The following TENM3 variants were observed in gnomAD, a reference collection of about 807,000 sequenced individuals.
TENM3 encodes the protein teneurin transmembrane protein 3.
A neutral mutation model predicts 255.1 loss-of-function variants in TENM3; 63 were observed. The observed-to-expected ratio is 0.25, with a 90% CI of 0.20 to 0.30. TENM3 has a LOEUF of 0.30. Among genes scored for constraint, TENM3 ranks in the 10% least tolerant of loss-of-function variants. TENM3 has a pLI of 1.00. For synonymous variants in TENM3, 1,306 were observed against 1,322.3 expected (o/e 0.99, Z 0.27); for missense variants, 2,929 against 3,461.1 (o/e 0.85, Z 3.86).
chr4:182,163,892 C>A (rs552981653), intron 1 of TENM3, among the ~76,000 whole-genome samples: 84 of 152,292 alleles, frequency 5.5e-4, no homozygotes, highest in African/African-American at 1.9e-3. Flanking sequence ...GCCCTTAGAC[C>A]CTCTGCCTTC....
chr4:182,004,236 AG>A, the TENM3 span, among the ~76,000 whole-genome samples: 2 of 152,014 alleles, frequency 1.3e-5, no homozygotes, highest in Non-Finnish European at 2.9e-5. Context: ...CCCCCCAACA[AG>A]CCCTGGTGTG....
At chr4:181,583,085 A>C in the TENM3 span, among the ~76,000 whole-genome samples, 1 of 151,898 alleles carries the variant, frequency 6.6e-6, no homozygotes, top group Admixed American at 6.6e-5. Context: ...GACTAGGGGA[A>C]GAGGTAGAAA....
the TENM3 span, among the ~76,000 whole-genome samples, chr4:181,833,961 T>TC: frequency 1.3e-5 from 2 of 152,210 alleles, no homozygotes; most frequent in Non-Finnish European, 2.9e-5. Flanking sequence ...TTAAGGCAAC[T>TC]CCAACTTGGA....
At chr4:182,382,738 G>A (rs1263261717) in intron 3 of TENM3, among the ~76,000 whole-genome samples, 1 of 152,142 alleles carries the variant, frequency 6.6e-6, no homozygotes, top group Non-Finnish European at 1.5e-5. Context: ...GGCAGAGGTC[G>A]AAGCCATAGG....
the TENM3 span, among the ~76,000 whole-genome samples, chr4:182,017,353 C>T: frequency 1.3e-5 from 2 of 152,206 alleles, no homozygotes; most frequent in Non-Finnish European, 2.9e-5. Flanking sequence ...TCTACTCTAC[C>T]TAGTGAAAAT....
At chr4:182,522,162 C>T (rs1212837918) in intron 3 of TENM3, among the ~76,000 whole-genome samples, 1 of 152,132 alleles carries the variant, frequency 6.6e-6, no homozygotes, top group African/African-American at 2.4e-5. Flanking sequence ...GCACCTTAAA[C>T]ATTAATTTTT....
At chr4:182,749,511 G>T (rs867472472) in intron 19 of TENM3, among the ~76,000 whole-genome samples, 1 of 152,098 alleles carries the variant, frequency 6.6e-6, no homozygotes, top group Admixed American at 6.6e-5. Flanking sequence ...GTATAAGGAC[G>T]GTTAATTCTT....
At chr4:182,396,961 CAAAAT>C (rs950464754) in intron 3 of TENM3, among the ~76,000 whole-genome samples, 1 of 149,328 alleles carries the variant, frequency 6.7e-6, no homozygotes, top group Admixed American at 6.7e-5. Flanking sequence ...GACTCTGTCT[CAAAAT>C]AAAAAAATAA....
chr4:181,656,469 C>T, the TENM3 span, among the ~76,000 whole-genome samples: 1 of 152,040 alleles, frequency 6.6e-6, no homozygotes, highest in Non-Finnish European at 1.5e-5. Flanking sequence ...TGCGATTTGG[C>T]GGTGGAAAAT....
chr4:182,254,636 A>T (rs1758255037), intron 1 of TENM3, among the ~76,000 whole-genome samples: 1 of 152,080 alleles, frequency 6.6e-6, no homozygotes, highest in Non-Finnish European at 1.5e-5. Context: ...TGAAATGCTA[A>T]TTTTTTCATT....
intron 24 of TENM3, among the ~76,000 whole-genome samples, chr4:182,778,548 G>A (rs767159825): frequency 4.7e-4 from 71 of 152,270 alleles, no homozygotes; most frequent in Non-Finnish European, 9.1e-4. Flanking sequence ...ACTGGGGAAT[G>A]AGCCTGCCCT....
chr4:182,273,988 T>C (rs1451732049), intron 1 of TENM3, among the ~76,000 whole-genome samples: 4 of 152,214 alleles, frequency 2.6e-5, no homozygotes, highest in Non-Finnish European at 5.9e-5. Context: ...ACAGGTGTTC[T>C]TTCTCCCTAC....
chr4:182,346,721 G>T lies in TENM3; in HGVS notation c.303G>T (p.Ala101=), dbSNP rs189642302. 8.7e-5 allele frequency: 140 copies of T among 1,613,642 alleles called. 1 individual carries two copies. In the Admixed American group the frequency reaches 2.1e-3, roughly 25 times the overall value. ...CTCGAAGAGGACTGGCATTTTGTGC[G>T]GAAATGGGGCTCCCTCACAGAGGTT... is the stretch of plus-strand genomic sequence containing the variant. The part of the protein sequence containing the change: ...PATRRGLAFC[A]EMGLPHRGYS... The change falls in exon 3 of 28, where the codon GCG becomes GCT. Residue 101 remains alanine, a synonymous_variant. Transcript: ENST00000511685.
chr4:182,622,343 A>G (rs999566661), intron 4 of TENM3, among the ~76,000 whole-genome samples: 3 of 152,156 alleles, frequency 2.0e-5, no homozygotes, highest in African/African-American at 4.8e-5. Context: ...GCAAAACTCT[A>G]TCGCAAAAAA....
chr4:182,291,193 C>G (rs1309242334), intron 1 of TENM3, among the ~76,000 whole-genome samples: 2 of 152,146 alleles, frequency 1.3e-5, no homozygotes, highest in Non-Finnish European at 2.9e-5. Flanking sequence ...GATCCCTGTG[C>G]TGATCCAAGG....
intron 11 of TENM3, among the ~76,000 whole-genome samples, chr4:182,684,446 A>AAAAAAAAAAAAAG: frequency 6.6e-6 from 1 of 151,416 alleles, no homozygotes; most frequent in East Asian, 1.9e-4. Context: ...TCACAAAAAA[A>AAAAAAAAAAAAAG]AAAAAAAAAT....
intron 1 of TENM3, among the ~76,000 whole-genome samples, chr4:182,211,103 G>A (rs1031312): frequency 0.042 from 6,320 of 152,140 alleles, 420 homozygotes; most frequent in African/African-American, 0.14. Flanking sequence ...TCACCAAAAC[G>A]GGGGACAAGG....
At chr4:182,473,785 C>G (rs74431833) in intron 3 of TENM3, among the ~76,000 whole-genome samples, 3,555 of 151,958 alleles carry the variant, frequency 0.023, 137 homozygotes, top group African/African-American at 0.079. Flanking sequence ...CATATGAGAC[C>G]CTGTCTCTAC....
At chr4:182,512,924 G>C (rs1580791075) in intron 3 of TENM3, among the ~76,000 whole-genome samples, 1 of 152,262 alleles carries the variant, frequency 6.6e-6, no homozygotes, top group East Asian at 1.9e-4. Context: ...TACTGTTTTA[G>C]CACATAAGAA....
Sources: gnomAD v4.1 joint callset for allele counts (sites outside exome capture counted in the v4.1 genomes callset) on GRCh38, gnomAD v4.1.1 for gene constraint, MANE v1.5 for transcripts, NCBI Gene and HGNC (gene_info 2026-07-23, HGNC 2026-07-21) for gene names.